FOCAD: variants seen among roughly 807,000 people sequenced by gnomAD.
FOCAD encodes the protein KIAA1797.
In FOCAD, 198 loss-of-function variants were observed where a neutral mutation model predicts 225.6. That is an observed-to-expected ratio of 0.88 (90% confidence interval 0.78 to 0.99). The LOEUF is 0.99. Among genes scored for constraint, FOCAD ranks in the 50% least tolerant of loss-of-function variants. FOCAD has a pLI of 0.00. For synonymous variants in FOCAD, 897 were observed against 755.0 expected (o/e 1.19, Z -3.08); for missense variants, 2,713 against 2,123.6 (o/e 1.28, Z -5.46).
chr9:20,663,497 A>C (rs939113649), intron 2 of FOCAD, among the ~76,000 whole-genome samples: 8 of 151,478 alleles, frequency 5.3e-5, no homozygotes, highest in Non-Finnish European at 1.0e-4. Flanking sequence ...ACACACACAC[A>C]CACACACACA....
At chr9:20,848,176 C>CTGTT (rs10634034) in intron 15 of FOCAD, among the ~76,000 whole-genome samples, 92,455 of 151,448 alleles carry the variant, frequency 0.61, 28,363 homozygotes, top group East Asian at 0.67. Flanking sequence ...GAGAAACAGT[C>CTGTT]TGTATGCTTA....
At chr9:20,751,127 A>C (rs984785734) in intron 5 of FOCAD, among the ~76,000 whole-genome samples, 6 of 150,632 alleles carry the variant, frequency 4.0e-5, no homozygotes, top group African/African-American at 1.2e-4. Context: ...CTTTTCCCTC[A>C]CAATTTTATC....
intron 6 of FOCAD, among the ~76,000 whole-genome samples, chr9:20,761,563 G>C (rs1244029262): frequency 6.6e-6 from 1 of 152,076 alleles, no homozygotes; most frequent in Non-Finnish European, 1.5e-5. Context: ...TGGGACTACA[G>C]GTGCCCGCCA....
chr9:20,722,088 G>T, intron 4 of FOCAD, among the ~76,000 whole-genome samples: 1 of 142,828 alleles, frequency 7.0e-6, no homozygotes, highest in Admixed American at 7.1e-5. Context: ...ACTGGGTCTT[G>T]CTATGCTGCC....
At chr9:20,718,176 A>G (rs1338245690) in intron 3 of FOCAD, among the ~76,000 whole-genome samples, 3 of 152,210 alleles carry the variant, frequency 2.0e-5, no homozygotes, top group African/African-American at 7.2e-5. Context: ...GAGAAGATTG[A>G]TAGAGTTACC....
At chr9:20,897,915 A>G (rs1486560238) in intron 21 of FOCAD, among the ~76,000 whole-genome samples, 1 of 151,872 alleles carries the variant, frequency 6.6e-6, no homozygotes, top group East Asian at 1.9e-4. Context: ...CATTTCCTGC[A>G]AGGGAAATGT....
At chr9:20,890,474 C>G (rs921639951) in intron 21 of FOCAD, among the ~76,000 whole-genome samples, 4 of 150,800 alleles carry the variant, frequency 2.7e-5, no homozygotes, top group African/African-American at 9.8e-5. Context: ...GATATGATTA[C>G]TTATTTTGAT....
intron 3 of FOCAD, 135 bp downstream of exon 3, chr9:20,718,003 C>T: frequency 1.6e-6 from 1 of 608,400 alleles, no homozygotes; most frequent in Non-Finnish European, 2.7e-6. Flanking sequence ...ACTTCATTGC[C>T]TTTTTTGTTT....
intron 2 of FOCAD, among the ~76,000 whole-genome samples, chr9:20,678,826 C>T (rs1474345152): frequency 5.3e-5 from 8 of 152,206 alleles, no homozygotes; most frequent in South Asian, 2.1e-4. Flanking sequence ...AATGTTACTG[C>T]GTCTCCCTTG....
At chr9:20,715,242 A>G (rs1259193582) in intron 1 of FOCAD, 80 bp from the exon 2 acceptor site, 1 of 551,152 alleles carries the variant, frequency 1.8e-6, no homozygotes, top group Non-Finnish European at 3.0e-6. Context: ...TTACATTCAC[A>G]TTATTTGAGG....
At chr9:20,822,009 A>G (rs1824379072) in intron 14 of FOCAD, among the ~76,000 whole-genome samples, 1 of 149,652 alleles carries the variant, frequency 6.7e-6, no homozygotes, top group Admixed American at 6.7e-5. Flanking sequence ...AAAAAAAAAA[A>G]AAAAAAAAAA....
intron 24 of FOCAD, among the ~76,000 whole-genome samples, chr9:20,919,727 C>T (rs199848494): frequency 1.3e-4 from 20 of 152,064 alleles, no homozygotes; most frequent in Non-Finnish European, 2.2e-4. Context: ...TTCCCTATTT[C>T]ATAAATGGTG....
At chr9:20,727,221 CTT>C (rs1442341597) in intron 4 of FOCAD, among the ~76,000 whole-genome samples, 1 of 152,048 alleles carries the variant, frequency 6.6e-6, no homozygotes, top group African/African-American at 2.4e-5. Flanking sequence ...TTTCTCTCAA[CTT>C]TCAGTTCCTA....
chr9:20,841,635 G>A (rs1264563776), intron 15 of FOCAD, among the ~76,000 whole-genome samples: 1 of 151,000 alleles, frequency 6.6e-6, no homozygotes, highest in African/African-American at 2.4e-5. Context: ...TTTTATTTGG[G>A]CCTTCTTTTT....
intron 11 of FOCAD, among the ~76,000 whole-genome samples, chr9:20,801,076 C>G (rs1332762609): frequency 6.6e-6 from 1 of 152,122 alleles, no homozygotes; most frequent in African/African-American, 2.4e-5. Context: ...AGTCAGTACC[C>G]TCAACTTCAG....
chr9:20,855,276 A>T (rs1048695866), intron 15 of FOCAD, among the ~76,000 whole-genome samples: 1 of 151,680 alleles, frequency 6.6e-6, no homozygotes, highest in Non-Finnish European at 1.5e-5. Context: ...TATTTTTCTA[A>T]CATTAAATAT....
intron 1 of FOCAD, among the ~76,000 whole-genome samples, chr9:20,701,701 G>T (rs1014502632): frequency 6.6e-6 from 1 of 152,210 alleles, no homozygotes; most frequent in Non-Finnish European, 1.5e-5. Flanking sequence ...ATGTATTGCT[G>T]GTGATGGTGC....
intron 27 of FOCAD, among the ~76,000 whole-genome samples, chr9:20,932,554 G>T (rs959032808): frequency 2.6e-5 from 4 of 152,110 alleles, no homozygotes; most frequent in Non-Finnish European, 5.9e-5. Flanking sequence ...TAAAGGAATA[G>T]AATTTATAAC....
chr9:20,718,010 G>A, intron 3 of FOCAD, 142 bp downstream of exon 3: 3 of 577,188 alleles, frequency 5.2e-6, no homozygotes, highest in Non-Finnish European at 8.7e-6. Context: ...TGCCTTTTTT[G>A]TTTATTTGTT....
Sources: allele counts gnomAD v4.1 joint callset (sites outside exome capture counted in the v4.1 genomes callset), GRCh38; gene constraint gnomAD v4.1.1; transcripts MANE v1.5; gene names NCBI Gene and HGNC (gene_info 2026-07-23, HGNC 2026-07-21).